Variants in NTM observed in about 807,000 individuals in gnomAD.
NTM encodes the protein neurotrimin.
NTM carries 13 observed loss-of-function variants against 42.1 expected under a neutral mutation model. The observed-to-expected ratio is 0.31, with a 90% confidence interval of 0.20 to 0.49. The LOEUF (loss-of-function observed/expected upper bound fraction) is 0.49, where lower values mean the gene tolerates loss of function less well. Among genes scored for constraint, NTM ranks in the 20% least tolerant of loss-of-function variants. NTM has a pLI of 0.99. For missense variants in NTM, 373 were observed against 452.8 expected (o/e 0.82, Z 1.60); for synonymous variants, 187 against 179.2 (o/e 1.04, Z -0.35).
intron 1 of NTM, among the ~76,000 whole-genome samples, chr11:131,603,486 G>A (rs1264913851): frequency 6.6e-6 from 1 of 151,942 alleles, no homozygotes; most frequent in Non-Finnish European, 1.5e-5. Flanking sequence ...CAGATTTATT[G>A]CTTGGCTACT....
chr11:131,472,027 A>G (rs1952486415), intron 1 of NTM, among the ~76,000 whole-genome samples: 1 of 152,232 alleles, frequency 6.6e-6, no homozygotes, highest in African/African-American at 2.4e-5. Context: ...TTCAATTAAC[A>G]GGAGGCACTT....
chr11:132,301,114 T>G (rs1181444710), intron 4 of NTM, among the ~76,000 whole-genome samples: 1 of 152,132 alleles, frequency 6.6e-6, no homozygotes, highest in Non-Finnish European at 1.5e-5. Context: ...TTTAATCGAC[T>G]CACAGTTCCT....
chr11:131,735,993 T>C (rs1881050), intron 1 of NTM, among the ~76,000 whole-genome samples: 21,916 of 152,042 alleles, frequency 0.14, 1,818 homozygotes, highest in South Asian at 0.22. Context: ...CCAACACACC[T>C]GGCTACTTTT....
chr11:132,025,170 C>A (rs909850011), intron 2 of NTM, among the ~76,000 whole-genome samples: 1 of 152,140 alleles, frequency 6.6e-6, no homozygotes, highest in African/African-American at 2.4e-5. Flanking sequence ...TGTTTCATGT[C>A]CAGGCCTAGG....
chr11:131,785,102 T>C (rs190397225), intron 1 of NTM, among the ~76,000 whole-genome samples: 1 of 152,274 alleles, frequency 6.6e-6, no homozygotes, highest in East Asian at 1.9e-4. Context: ...GGACTCATCA[T>C]TTTAAAAAGA....
intron 1 of NTM, among the ~76,000 whole-genome samples, chr11:131,376,350 G>T (rs1941972945): frequency 6.6e-6 from 1 of 151,836 alleles, no homozygotes; most frequent in African/African-American, 2.4e-5. Context: ...GGTTTTTCTT[G>T]TTCTTCTTTC....
At chr11:132,177,789 A>G (rs2137978921) in intron 3 of NTM, among the ~76,000 whole-genome samples, 1 of 152,360 alleles carries the variant, frequency 6.6e-6, no homozygotes, top group African/African-American at 2.4e-5. Context: ...AAGGATCAGG[A>G]TCTTCATCTG....
At chr11:131,478,980 C>T (rs1191754911) in intron 1 of NTM, among the ~76,000 whole-genome samples, 3 of 152,200 alleles carry the variant, frequency 2.0e-5, no homozygotes, top group Non-Finnish European at 2.9e-5. Flanking sequence ...GCTTGGTGAA[C>T]ACTCACTCGC....
At chr11:131,490,488 A>G (rs752303109) in intron 1 of NTM, among the ~76,000 whole-genome samples, 9 of 152,200 alleles carry the variant, frequency 5.9e-5, no homozygotes, top group Non-Finnish European at 1.3e-4. Flanking sequence ...GGTTGACCCA[A>G]TGCTGCTCCA....
intron 1 of NTM, among the ~76,000 whole-genome samples, chr11:131,549,696 AG>A (rs1214361344): frequency 5.9e-5 from 9 of 152,134 alleles, no homozygotes; most frequent in African/African-American, 2.2e-4. Flanking sequence ...ATCCTCAGAA[AG>A]GGTTTTCAGT....
intron 2 of NTM, among the ~76,000 whole-genome samples, chr11:132,110,581 G>A (rs1172713137): frequency 6.6e-6 from 1 of 152,176 alleles, no homozygotes; most frequent in Non-Finnish European, 1.5e-5. Context: ...AAATTTTATG[G>A]CAAAAGATAA....
intron 3 of NTM, among the ~76,000 whole-genome samples, chr11:132,190,465 TG>T (rs1276614910): frequency 6.6e-6 from 1 of 152,042 alleles, no homozygotes; most frequent in Middle Eastern, 3.2e-3. Flanking sequence ...GGGCCGGGTG[TG>T]GTGGCTCACA....
intron 1 of NTM, among the ~76,000 whole-genome samples, chr11:131,849,113 G>A (rs748327944): frequency 3.3e-5 from 5 of 152,088 alleles, no homozygotes; most frequent in Admixed American, 1.3e-4. Context: ...CTTATCAATG[G>A]CATGTTTCAA....
chr11:131,486,759 C>A (rs1335473237), intron 1 of NTM, among the ~76,000 whole-genome samples: 1 of 152,166 alleles, frequency 6.6e-6, no homozygotes, highest in Non-Finnish European at 1.5e-5. Flanking sequence ...TAACCACATT[C>A]TTCTCCAGCT....
At chr11:132,018,117 CTCTG>C (rs1350736610) in intron 2 of NTM, among the ~76,000 whole-genome samples, 16 of 151,514 alleles carry the variant, frequency 1.1e-4, no homozygotes, top group Non-Finnish European at 5.9e-5. Context: ...CCCTCTCTCC[CTCTG>C]TCTCTCTGTC....
rs202021585 is a variant in NTM at position 132,244,940 on chromosome 11, C to CTTTACAG, written c.526+32795_526+32796insTACAGTT. ...AGGCTGTGGTTTCATTATTAATATA[C>CTTTACAG]TTCACAGGTTGTACGTTTGCGCCCG... On this transcript the variant is annotated intron_variant, in intron 4 of 8. Transcript: ENST00000683400. Among the ~76,000 whole-genome samples the CTTTACAG allele has an allele frequency of 2.1e-3, 323 of 152,340 alleles. 2 individuals carry two copies. Among genetic ancestry groups the CTTTACAG allele is most frequent in the East Asian group, 0.021 (107 of 5,188 alleles).
chr11:131,932,248 T>C (rs887551987), intron 2 of NTM, among the ~76,000 whole-genome samples: 8 of 152,172 alleles, frequency 5.3e-5, no homozygotes, highest in Non-Finnish European at 8.8e-5. Context: ...AATTAACTGG[T>C]GACACATGCT....
At chr11:131,744,056 G>T (rs1258667388) in intron 1 of NTM, among the ~76,000 whole-genome samples, 8 of 152,136 alleles carry the variant, frequency 5.3e-5, no homozygotes, top group Non-Finnish European at 1.2e-4. Context: ...TGAGAAGCAG[G>T]TCCTATTTTG....
intron 2 of NTM, among the ~76,000 whole-genome samples, chr11:132,136,794 G>C (rs988319239): frequency 1.1e-4 from 17 of 152,284 alleles, no homozygotes; most frequent in African/African-American, 3.8e-4. Flanking sequence ...GAGTGTGCTA[G>C]AGGCAGGATC....
Sources: allele counts gnomAD v4.1 joint callset (sites outside exome capture counted in the v4.1 genomes callset), GRCh38; gene constraint gnomAD v4.1.1; transcripts MANE v1.5; gene names NCBI Gene and HGNC (gene_info 2026-07-23, HGNC 2026-07-21).